LIPC: variants seen among roughly 807,000 people sequenced by gnomAD.
LIPC encodes the protein hepatic triacylglycerol lipase.
Under a neutral mutation model 50.7 loss-of-function variants are expected in LIPC, and 44 were observed. The ratio of observed to expected loss-of-function variants is 0.87; its 90% CI spans 0.68 to 1.11. The LOEUF (loss-of-function observed/expected upper bound fraction) is 1.11. LIPC is among the 50% of genes most tolerant of loss of function. The pLI, the probability that LIPC is intolerant of heterozygous loss-of-function variation, is 0.00. For missense variants in LIPC, 697 were observed against 648.2 expected (o/e 1.08, Z -0.82); for synonymous variants, 271 against 256.4 (o/e 1.06, Z -0.54).
chr15:58,545,717 AC>A (rs751167742), intron 4 of LIPC, 24 bp from the exon 5 acceptor site: 30 of 1,603,634 alleles, frequency 1.9e-5, no homozygotes, highest in Non-Finnish European at 2.6e-5. Flanking sequence ...CTCCTGCGTA[AC>A]CCTTACCCCT....
At chr15:58,445,662 T>A (rs1391994100) in intron 1 of LIPC, among the ~76,000 whole-genome samples, 1 of 152,162 alleles carries the variant, frequency 6.6e-6, no homozygotes, top group African/African-American at 2.4e-5. Context: ...GACCCAGATT[T>A]GGAGTTGAAA....
intron 1 of LIPC, among the ~76,000 whole-genome samples, chr15:58,506,913 T>C (rs1383536698): frequency 6.6e-6 from 1 of 152,192 alleles, no homozygotes; most frequent in African/African-American, 2.4e-5. Context: ...TCAGGAAACT[T>C]ACAATCATTG....
At chr15:58,518,670 G>T (rs1892556118) in intron 1 of LIPC, among the ~76,000 whole-genome samples, 1 of 152,210 alleles carries the variant, frequency 6.6e-6, no homozygotes, top group African/African-American at 2.4e-5. Flanking sequence ...ATACCACAAC[G>T]TGGATGAATC....
intron 1 of LIPC, among the ~76,000 whole-genome samples, chr15:58,529,899 G>A (rs763472958): frequency 6.6e-6 from 1 of 152,220 alleles, no homozygotes; most frequent in Non-Finnish European, 1.5e-5. Context: ...AGCAGTGGTT[G>A]GAGTGGGAGA....
At chr15:58,503,622 A>T (rs1892057507) in intron 1 of LIPC, among the ~76,000 whole-genome samples, 1 of 151,984 alleles carries the variant, frequency 6.6e-6, no homozygotes, top group South Asian at 2.1e-4. Flanking sequence ...TCACCAACTC[A>T]CTCCAGGGAA....
chr15:58,552,387 C>T (rs1464158368), intron 6 of LIPC, among the ~76,000 whole-genome samples: 6 of 152,222 alleles, frequency 3.9e-5, no homozygotes, highest in Admixed American at 2.0e-4. Context: ...TTGGCCTCGG[C>T]GTAGGACCAA....
chr15:58,560,138 T>C (rs1468993782), intron 6 of LIPC, among the ~76,000 whole-genome samples: 1 of 152,234 alleles, frequency 6.6e-6, no homozygotes, highest in East Asian at 1.9e-4. Flanking sequence ...GCCTGTCTAA[T>C]AGTAAGCCAT....
chr15:58,441,695 T>C (rs189142836), intron 1 of LIPC, among the ~76,000 whole-genome samples: 2 of 152,108 alleles, frequency 1.3e-5, no homozygotes, highest in Non-Finnish European at 2.9e-5. Context: ...CAAAAAGGAG[T>C]CCAATTCAAT....
chr15:58,460,576 G>A (rs1282221046), intron 1 of LIPC, among the ~76,000 whole-genome samples: 1 of 152,228 alleles, frequency 6.6e-6, no homozygotes, highest in African/African-American at 2.4e-5. Context: ...GAATAACGCT[G>A]CTCTCCACGG....
At chr15:58,533,958 G>A (rs1382530074) in intron 1 of LIPC, among the ~76,000 whole-genome samples, 1 of 152,092 alleles carries the variant, frequency 6.6e-6, no homozygotes, top group Non-Finnish European at 1.5e-5. Context: ...GAAAAAAAAG[G>A]CTAAGGACAT....
At chr15:58,555,717 A>G (rs1893921042) in intron 6 of LIPC, among the ~76,000 whole-genome samples, 1 of 152,218 alleles carries the variant, frequency 6.6e-6, no homozygotes, top group African/African-American at 2.4e-5. Flanking sequence ...GAAACCAACA[A>G]GGACTGAGGC....
At chr15:58,442,897 G>A (rs1893554172) in intron 1 of LIPC, among the ~76,000 whole-genome samples, 2 of 152,170 alleles carry the variant, frequency 1.3e-5, no homozygotes, top group African/African-American at 4.8e-5. Context: ...AGCCTTCAGA[G>A]ATATCTCATT....
intron 1 of LIPC, among the ~76,000 whole-genome samples, chr15:58,448,605 G>A (rs1893786364): frequency 6.6e-6 from 1 of 152,266 alleles, no homozygotes; most frequent in Non-Finnish European, 1.5e-5. Context: ...ACTGGCAGAG[G>A]CCGGCAGGCC....
chr15:58,526,963 C>A (rs1892815794), intron 1 of LIPC, among the ~76,000 whole-genome samples: 1 of 152,152 alleles, frequency 6.6e-6, no homozygotes, highest in Admixed American at 6.6e-5. Flanking sequence ...AAAGCCAGTG[C>A]CCGCCCCACT....
Position 58,510,761 on chromosome 15 carries a change from T to C in LIPC, c.89-27572T>C, listed in dbSNP as rs145068531. ...GTTAGTGGTATGTTAAACAATGGTA[T>C]ATCATGCTATTTGTGTATACTGGAT... is the stretch of plus-strand genomic sequence containing the variant. On this transcript the variant is annotated intron_variant, in intron 1 of 8. Transcript: ENST00000299022. 3.9e-3 allele frequency among the ~76,000 whole-genome samples: 588 copies of C among 152,382 alleles called. 5 individuals are homozygous for C. Among genetic ancestry groups the C allele is most frequent in the African/African-American group, 0.013 (545 of 41,586 alleles).
chr15:58,467,535 G>T (rs1894614229), intron 1 of LIPC, among the ~76,000 whole-genome samples: 1 of 152,072 alleles, frequency 6.6e-6, no homozygotes, highest in Non-Finnish European at 1.5e-5. Flanking sequence ...TTATGATCCG[G>T]TACTAGGCCT....
chr15:58,542,502 TCTC>T (rs762411833), intron 3 of LIPC, 29 bp from the exon 4 acceptor site: 22 of 1,428,668 alleles, frequency 1.5e-5, no homozygotes, highest in African/African-American at 2.8e-5. Flanking sequence ...AGGCAGCTCT[TCTC>T]CTGCCCCCAT....
chr15:58,480,965 C>T (rs1415374427), intron 1 of LIPC, among the ~76,000 whole-genome samples: 21 of 152,134 alleles, frequency 1.4e-4, no homozygotes, highest in African/African-American at 5.1e-4. Context: ...TAAACAGCCC[C>T]TAGTCAAGAG....
intron 1 of LIPC, among the ~76,000 whole-genome samples, chr15:58,466,847 G>A (rs1894583955): frequency 6.6e-6 from 1 of 152,138 alleles, no homozygotes. Context: ...AGTACTTACT[G>A]TAATCACTTC....
Sources: gnomAD v4.1 joint callset for allele counts (sites outside exome capture counted in the v4.1 genomes callset) on GRCh38, gnomAD v4.1.1 for gene constraint, MANE v1.5 for transcripts, NCBI Gene and HGNC (gene_info 2026-07-23, HGNC 2026-07-21) for gene names.